ADGRE2: variants seen among roughly 807,000 people sequenced by gnomAD.
ADGRE2 encodes the protein adhesion G protein-coupled receptor E2, also known as CD97 antigen.
Under a neutral mutation model 100.8 loss-of-function variants are expected in ADGRE2, and 83 were observed. The observed-to-expected ratio is 0.82, with a 90% CI of 0.69 to 0.99. The LOEUF (loss-of-function observed/expected upper bound fraction) is 0.99, where lower values mean the gene tolerates loss of function less well. Ranked by LOEUF, ADGRE2 falls within the 50% of genes least tolerant of loss-of-function variation. The pLI is 0.00. For missense variants in ADGRE2, 814 were observed against 1,035.7 expected (o/e 0.79, Z 2.94); for synonymous variants, 355 against 413.0 (o/e 0.86, Z 1.70).
In ADGRE2 at chr19:14,765,414, T is replaced by C. The variant is rs1421479007; in HGVS notation, c.829-17A>G. 1 of 1,613,914 alleles carries C rather than the reference T, an allele frequency of 6.2e-7. No individual in the cohort carries two copies. The highest frequency in any genetic ancestry group is 1.3e-5 in the African/African-American group (1 of 74,926). On this transcript the variant is annotated splice_polypyrimidine_tract_variant and intron_variant, in intron 9 of 20. Coordinates refer to ENST00000315576, the MANE Select transcript of ADGRE2 (RefSeq NM_013447.4). ...GGAAAGCGTCTGCAGAGAGAGGAGA[T>C]GTGGGGGTCAGAGAGCCTGGACGGC...
At chr19:14,727,024 C>CTTTTTTTT in the ADGRE2 span, among the ~76,000 whole-genome samples, 8 of 70,106 alleles carry the variant, frequency 1.1e-4, no homozygotes, top group Non-Finnish European at 1.5e-4. Context: ...AGAAAAGAGG[C>CTTTTTTTT]TTTTTTTTTT....
intron 20 of ADGRE2, among the ~76,000 whole-genome samples, chr19:14,741,103 T>TG (rs2042915477): frequency 6.7e-6 from 1 of 150,096 alleles, no homozygotes; most frequent in African/African-American, 2.5e-5. Context: ...TTTTTTTTTT[T>TG]TTTTTTTTGG....
rs115970049 is a variant in ADGRE2, at chr19:14,752,227, C to G, written c.1788+102G>C. On this transcript the variant is annotated intron_variant, in intron 15 of 20. Coordinates refer to ENST00000315576, the MANE Select transcript of ADGRE2 (RefSeq NM_013447.4). Reference sequence around the variant, plus strand: ...GGATTACAGGCATGAGCCACCACGCCCAGCCGGGCTATTATATTAAGGAAT... The same window carrying G: ...GGATTACAGGCATGAGCCACCACGCGCAGCCGGGCTATTATATTAAGGAAT... 1.6e-3 allele frequency: 2,289 copies of G among 1,450,702 alleles called. 30 individuals carry two copies. The African/African-American group carries it at 0.025, about 16-fold the overall frequency. The allele number at this position is 1,450,702 out of a possible 1,614,324, so 89.9% of individuals were successfully genotyped here.
intron 2 of ADGRE2, chr19:14,776,277 G>A: frequency 5.8e-6 from 1 of 171,156 alleles, no homozygotes; most frequent in South Asian, 1.1e-4. Context: ...GAGAGAGAGA[G>A]AGAAAGAAGG....
At chr19:14,726,057 G>A in the ADGRE2 span, among the ~76,000 whole-genome samples, 1 of 152,160 alleles carries the variant, frequency 6.6e-6, no homozygotes. Context: ...TGAAATCTAG[G>A]TGGAAGCCAC....
chr19:14,728,411 T>C (rs751236200), downstream of ADGRE2, among the ~76,000 whole-genome samples: 15 of 152,184 alleles, frequency 9.9e-5, no homozygotes, highest in East Asian at 1.9e-4. Context: ...GGGGTGGTCT[T>C]CTCCTCTCAT....
Position 14,761,738 on chromosome 19 carries a change from A to G in ADGRE2, c.1084+2695T>C, listed in dbSNP as rs550798437. ...CTCTTTGCCAACCACGTATACAGTA[A>G]GGAGCTGGCGAAGACTCCATTTGCA... is the stretch of plus-strand genomic sequence containing the variant. On this transcript the variant is annotated intron_variant, in intron 11 of 20. Coordinates refer to ENST00000315576, the MANE Select transcript of ADGRE2 (RefSeq NM_013447.4). Among the ~76,000 whole-genome samples the G allele has an allele frequency of 4.6e-5, 7 of 152,128 alleles. No individual in the cohort carries two copies. In the South Asian group the frequency reaches 1.5e-3, roughly 32 times the overall value.
chr19:14,758,852 T>A (rs1429535269), intron 11 of ADGRE2, among the ~76,000 whole-genome samples: 1 of 139,124 alleles, frequency 7.2e-6, no homozygotes, highest in Non-Finnish European at 1.5e-5. Context: ...GCCCCTGCAC[T>A]GCAGTCTGCG....
At chr19:14,744,179 G>GTTCAA (rs2043014576) in intron 18 of ADGRE2, among the ~76,000 whole-genome samples, 3 of 151,798 alleles carry the variant, frequency 2.0e-5, no homozygotes, top group African/African-American at 4.8e-5. Context: ...AGGAGGCGGA[G>GTTCAA]GTTGCAGTGA....
rs112652505 is a variant in ADGRE2, at chr19:14,738,629, C to T, written c.2464-2385G>A. On this transcript the variant is annotated intron_variant, in intron 20 of 20. Transcript: ENST00000315576. ...CTGAGCTAAAGTGATCTGCCTGCCT[C>T]GGCCTCCCAAAGTGCTGGGATTACA... 2.8e-3 allele frequency among the ~76,000 whole-genome samples: 432 copies of T among 152,152 alleles called. 2 individuals are homozygous for T. Among genetic ancestry groups the T allele is most frequent in the South Asian group, 8.7e-3 (42 of 4,802 alleles).
chr19:14,725,956 G>A, the ADGRE2 span, among the ~76,000 whole-genome samples: 1 of 152,164 alleles, frequency 6.6e-6, no homozygotes, highest in African/African-American at 2.4e-5. Context: ...TGGGGGTACG[G>A]GGGAATCCAA....
intron 20 of ADGRE2, among the ~76,000 whole-genome samples, chr19:14,737,816 A>G (rs562317285): frequency 6.6e-6 from 1 of 152,056 alleles, no homozygotes; most frequent in South Asian, 2.1e-4. Context: ...CAGTAGTAAT[A>G]ATAATAATCA....
intron 5 of ADGRE2, among the ~76,000 whole-genome samples, chr19:14,769,488 G>T (rs944391531): frequency 6.6e-6 from 1 of 152,068 alleles, no homozygotes; most frequent in Non-Finnish European, 1.5e-5. Context: ...AGGGGTGAGG[G>T]GGATGCAGAC....
chr19:14,750,391 A>G (rs925684725), intron 16 of ADGRE2, among the ~76,000 whole-genome samples: 1 of 152,024 alleles, frequency 6.6e-6, no homozygotes, highest in African/African-American at 2.4e-5. Context: ...TACCGAACAC[A>G]TGAGGAATAG....
At chr19:14,738,094 T>C (rs1367585825) in intron 20 of ADGRE2, among the ~76,000 whole-genome samples, 1 of 149,958 alleles carries the variant, frequency 6.7e-6, no homozygotes, top group Middle Eastern at 3.2e-3. Flanking sequence ...AAAGAAAAGA[T>C]AAGTATTTAA....
chr19:14,736,322 C>G, intron 20 of ADGRE2, 78 bp from the exon 21 acceptor site: 1 of 951,392 alleles, frequency 1.1e-6, no homozygotes, highest in Non-Finnish European at 1.6e-6. Flanking sequence ...AGTGCAATGG[C>G]GCAGCCTCGA....
At chr19:14,748,862 T>A (rs1159841970) in intron 16 of ADGRE2, among the ~76,000 whole-genome samples, 1 of 151,976 alleles carries the variant, frequency 6.6e-6, no homozygotes, top group East Asian at 1.9e-4. Context: ...AAATCCCTTA[T>A]GAAAATGAAT....
chr19:14,746,375 C>CTCT, intron 17 of ADGRE2, 52 bp from the exon 18 acceptor site: 3 of 777,280 alleles, frequency 3.9e-6, no homozygotes, highest in Non-Finnish European at 6.2e-6. Flanking sequence ...CCTGTTATCT[C>CTCT]TTTTTTTTTT....
intron 11 of ADGRE2, among the ~76,000 whole-genome samples, chr19:14,759,503 A>ATATATATATATATATATATT (rs60789454): frequency 1.6e-4 from 21 of 133,364 alleles, no homozygotes; most frequent in African/African-American, 5.6e-4. Context: ...ATATATATAT[A>ATATATATATATATATATATT]TTTTTTTTTT....
Sources: gnomAD v4.1 joint callset for allele counts (sites outside exome capture counted in the v4.1 genomes callset) on GRCh38, gnomAD v4.1.1 for gene constraint, MANE v1.5 for transcripts, NCBI Gene and HGNC (gene_info 2026-07-23, HGNC 2026-07-21) for gene names.